The following DGLUCY variants were observed in gnomAD, a reference collection of about 807,000 sequenced individuals.
DGLUCY encodes the protein D-glutamate cyclase, mitochondrial.
Under a neutral mutation model 58.5 loss-of-function variants are expected in DGLUCY, and 58 were observed. That is an observed-to-expected ratio of 0.99 (90% CI 0.80 to 1.23). DGLUCY has a LOEUF of 1.23. Ranked by LOEUF, DGLUCY falls within the 50% of genes most tolerant of loss-of-function variation. DGLUCY has a pLI of 0.00. For missense variants in DGLUCY, 779 were observed against 784.7 expected (o/e 0.99, Z 0.09); for synonymous variants, 325 against 314.1 (o/e 1.03, Z -0.37).
intron 2 of DGLUCY, chr14:91,159,094 G>C (rs961798352): frequency 6.1e-5 from 9 of 147,758 alleles, no homozygotes; most frequent in Non-Finnish European, 4.5e-5. Flanking sequence ...GCCTCTCAAA[G>C]TGCTGGGATT....
chr14:91,203,678 T>TG (rs1491555692), intron 11 of DGLUCY, among the ~76,000 whole-genome samples: 1 of 270 alleles, frequency 3.7e-3, no homozygotes, highest in African/African-American at 0.021. Flanking sequence ...TTTTTGTGTG[T>TG]TTTTTTTTTT....
At chr14:91,066,891 T>C (rs2043830927) in intron 1 of DGLUCY, among the ~76,000 whole-genome samples, 1 of 150,574 alleles carries the variant, frequency 6.6e-6, no homozygotes, top group Non-Finnish European at 1.5e-5. Context: ...CCATCCTGGC[T>C]AACACGGTGA....
chr14:91,224,460 C>T (rs1463228617), intron 13 of DGLUCY, among the ~76,000 whole-genome samples: 1 of 152,134 alleles, frequency 6.6e-6, no homozygotes, highest in South Asian at 2.1e-4. Context: ...AAACTATTCC[C>T]GTGATTGTTT....
chr14:91,111,198 ATATATG>A (rs1383117559), upstream of DGLUCY, among the ~76,000 whole-genome samples: 43 of 32,648 alleles, frequency 1.3e-3, no homozygotes, highest in Non-Finnish European at 1.8e-3. Context: ...TTTTATTTAT[ATATATG>A]TGTGTGTGTG....
chr14:91,183,184 C>T (rs902966807), intron 8 of DGLUCY, among the ~76,000 whole-genome samples: 7 of 151,658 alleles, frequency 4.6e-5, no homozygotes, highest in Admixed American at 6.6e-5. Flanking sequence ...TTAGTAGAGA[C>T]GGGGTTTTGC....
intron 1 of DGLUCY, among the ~76,000 whole-genome samples, chr14:91,070,143 C>A (rs552026382): frequency 2.6e-5 from 4 of 152,180 alleles, no homozygotes; most frequent in Non-Finnish European, 5.9e-5. Context: ...CTTTGAAGAA[C>A]CAGTATGATA....
chr14:91,133,505 G>T lies in DGLUCY; in HGVS notation c.-82+19222G>T, dbSNP rs559303102. Among the ~76,000 whole-genome samples, 4 of 152,208 alleles carry T rather than the reference G, an allele frequency of 2.6e-5. No individual in the cohort carries two copies. In the East Asian group the frequency reaches 7.7e-4, roughly 29 times the overall value. On this transcript the variant is annotated intron_variant, in intron 1 of 13. Coordinates refer to ENST00000256324, the MANE Select transcript of DGLUCY (RefSeq NM_001102368.3). ...TTCCCATTCTTTTGGGTATATACCA[G>T]AAGTGGAATTACTGGATTACATGGT...
chr14:91,143,342 G>A (rs538621689), intron 1 of DGLUCY, among the ~76,000 whole-genome samples: 9 of 152,136 alleles, frequency 5.9e-5, no homozygotes, highest in South Asian at 2.1e-4. Flanking sequence ...TGATCTGCCC[G>A]CCTCTGCCTC....
chr14:91,205,868 G>C (rs1219608597), intron 12 of DGLUCY, among the ~76,000 whole-genome samples: 1 of 48,898 alleles, frequency 2.0e-5, no homozygotes, highest in Non-Finnish European at 3.9e-5. Context: ...TTTTTTTTGA[G>C]CGTGCTTTGT....
chr14:91,187,200 T>A (rs552315000), intron 8 of DGLUCY, among the ~76,000 whole-genome samples: 5 of 152,128 alleles, frequency 3.3e-5, no homozygotes, highest in African/African-American at 1.2e-4. Flanking sequence ...GGGTTTCACT[T>A]TGTTGACCAG....
chr14:91,210,548 A>G (rs973295253), intron 12 of DGLUCY, among the ~76,000 whole-genome samples: 19 of 152,166 alleles, frequency 1.2e-4, no homozygotes, highest in Admixed American at 3.9e-4. Context: ...TAAAAATAAA[A>G]TAATTTTTTA....
chr14:91,104,409 A>G (rs2044552544), upstream of DGLUCY, among the ~76,000 whole-genome samples: 2 of 152,214 alleles, frequency 1.3e-5, no homozygotes, highest in South Asian at 2.1e-4. Flanking sequence ...TGCTACCAGC[A>G]TCAAGTGAGC....
chr14:91,136,649 C>T (rs12889874), intron 1 of DGLUCY, among the ~76,000 whole-genome samples: 84,505 of 150,504 alleles, frequency 0.56, 24,975 homozygotes, highest in East Asian at 0.92. Context: ...TACCACTGCC[C>T]TATAGCCTGG....
At chr14:91,063,115 A>G (rs960032040) in intron 1 of DGLUCY, among the ~76,000 whole-genome samples, 15 of 152,326 alleles carry the variant, frequency 9.8e-5, no homozygotes, top group African/African-American at 3.4e-4. Context: ...TTTAAGTTGG[A>G]GGAGCTGGAA....
Position 91,060,612 on chromosome 14 carries a change from TC to T in DGLUCY, c.-169del, listed in dbSNP as rs1019127322. The stretch of plus-strand genomic sequence containing the variant: ...GCCGCACGGCTCGCTCCTCGCCTCC[TC>T]CCCCTTCGGCGGGCACCGCTAGTAC... On this transcript the variant is annotated 5_prime_UTR_variant, in exon 1 of 5. Transcript: ENST00000521334. 37 of 861,588 alleles carry T rather than the reference TC, an allele frequency of 4.3e-5. No individual in the cohort carries two copies. The African/African-American group carries it at 6.4e-4, about 15-fold the overall frequency. The allele number at this position is 861,588 out of a possible 1,614,324, so 53.4% of individuals were successfully genotyped here. A position where few individuals can be genotyped will look rare whatever the true frequency, so the allele number is the denominator to read the frequency against.
At chr14:91,105,825 A>G (rs1262977637), upstream of DGLUCY, among the ~76,000 whole-genome samples, 3 of 152,226 alleles carry the variant, frequency 2.0e-5, no homozygotes, top group Non-Finnish European at 4.4e-5. Flanking sequence ...CTGTGCTTAC[A>G]CAAACCTGGG....
intron 1 of DGLUCY, among the ~76,000 whole-genome samples, chr14:91,062,875 C>T (rs1417389447): frequency 6.6e-6 from 1 of 152,076 alleles, no homozygotes; most frequent in Admixed American, 6.6e-5. Context: ...CTGTGTGCAA[C>T]TGTTCATTTG....
intron 1 of DGLUCY, among the ~76,000 whole-genome samples, chr14:91,135,926 CTTTTTTTTTTTTTTTT>C (rs34202137): frequency 2.0e-5 from 1 of 51,178 alleles, no homozygotes; most frequent in Non-Finnish European, 3.5e-5. Flanking sequence ...GATACATTAG[CTTTTTTTTTTTTTTTT>C]TTTTTTTTTT....
intron 12 of DGLUCY, among the ~76,000 whole-genome samples, chr14:91,215,121 C>T (rs1251724894): frequency 3.3e-5 from 5 of 152,146 alleles, no homozygotes; most frequent in Non-Finnish European, 7.3e-5. Context: ...TACACTCCAG[C>T]CTGGGCAACA....
Sources: gnomAD v4.1 joint callset for allele counts (sites outside exome capture counted in the v4.1 genomes callset) on GRCh38, gnomAD v4.1.1 for gene constraint, MANE v1.5 for transcripts, NCBI Gene and HGNC (gene_info 2026-07-23, HGNC 2026-07-21) for gene names.